The following RIPK2 variants were observed in gnomAD, a reference collection of about 807,000 sequenced individuals.
RIPK2 encodes receptor interacting serine/threonine kinase 2, also known as receptor-interacting serine/threonine-protein kinase 2.
In RIPK2, 38 loss-of-function variants were observed where a neutral mutation model predicts 60.9. That is an observed-to-expected ratio of 0.62 (90% confidence interval 0.48 to 0.82). The LOEUF (loss-of-function observed/expected upper bound fraction) is 0.82. Ranked by LOEUF, RIPK2 falls within the 40% of genes least tolerant of loss-of-function variation. RIPK2 has a pLI of 0.00. For synonymous variants in RIPK2, 225 were observed against 223.4 expected (o/e 1.01, Z -0.06); for missense variants, 518 against 647.0 (o/e 0.80, Z 2.16).
intron 3 of RIPK2, among the ~76,000 whole-genome samples, chr8:89,766,775 A>T (rs1809236906): frequency 6.6e-6 from 1 of 151,474 alleles, no homozygotes; most frequent in African/African-American, 2.4e-5. Context: ...ACACCTTTTT[A>T]TATGCTAATT....
chr8:89,788,809 A>G (rs1809628105), intron 9 of RIPK2, among the ~76,000 whole-genome samples: 1 of 148,728 alleles, frequency 6.7e-6, no homozygotes, highest in African/African-American at 2.5e-5. Flanking sequence ...AGAGAGAGAG[A>G]GGGAGGGAGG....
chr8:89,783,162 T>G (rs1809527986), intron 7 of RIPK2, among the ~76,000 whole-genome samples: 1 of 152,166 alleles, frequency 6.6e-6, no homozygotes, highest in Admixed American at 6.5e-5. Context: ...TGGGTGTGAA[T>G]TCACCATTTT....
At chr8:89,765,592 C>T (rs1027531214) in intron 3 of RIPK2, 96 bp downstream of exon 3, 15 of 717,428 alleles carry the variant, frequency 2.1e-5, no homozygotes, top group Non-Finnish European at 2.9e-5. Flanking sequence ...TCATGTCTCT[C>T]CTTAGAGATA....
At chr8:89,778,170 C>G (rs541791614) in intron 6 of RIPK2, among the ~76,000 whole-genome samples, 1 of 151,946 alleles carries the variant, frequency 6.6e-6, no homozygotes, top group East Asian at 1.9e-4. Flanking sequence ...AGAGGAAGAT[C>G]AGTAAACCTT....
intron 6 of RIPK2, among the ~76,000 whole-genome samples, chr8:89,774,019 G>A (rs1809356995): frequency 6.6e-6 from 1 of 151,994 alleles, no homozygotes; most frequent in Non-Finnish European, 1.5e-5. Context: ...GTTTGAGGAT[G>A]TGTAATAGTG....
chr8:89,769,795 G>A lies in RIPK2; in HGVS notation c.507G>A (p.Lys169=), dbSNP rs765795160. Reference sequence around the variant, plus strand: ...AGATTGCAGATTTTGGTTTATCAAAGTGGCGCATGATGTCCCTCTCACAGT... The same window carrying A: ...AGATTGCAGATTTTGGTTTATCAAAATGGCGCATGATGTCCCTCTCACAGT... ...HVKIADFGLS[K]WRMMSLSQSR... is the part of the protein sequence containing the mutation. The change falls in exon 4 of 11, where the codon AAG becomes AAA. Residue 169 remains lysine, a synonymous_variant. Transcript: ENST00000220751. 3 of 1,601,448 alleles carry A rather than the reference G, an allele frequency of 1.9e-6. No homozygotes were observed. In the Admixed American group the frequency reaches 5.2e-5, roughly 28 times the overall value.
intron 1 of RIPK2, among the ~76,000 whole-genome samples, chr8:89,761,712 T>C (rs367790108): frequency 2.7e-5 from 4 of 146,676 alleles, no homozygotes; most frequent in Admixed American, 6.8e-5. Flanking sequence ...TCTGGTCTGT[T>C]AAAAAAAAAA....
Position 89,758,019 on chromosome 8 carries a change from C to T in RIPK2, c.-42C>T, listed in dbSNP as rs1287598894. The T allele has an allele frequency of 1.3e-6, 2 of 1,507,700 alleles. No individual in the cohort carries two copies. Among genetic ancestry groups the T allele is most frequent in the Non-Finnish European group, 1.8e-6 (2 of 1,123,586 alleles). 93.4% of individuals were successfully genotyped at this position (1,507,700 alleles called of 1,614,324 possible). A position where few individuals can be genotyped will look rare whatever the true frequency, so the allele number is the denominator to read the frequency against. ...GGCGTGGGAGCCTTGGGAGCCGCCG[C>T]AGCAGGGGGCACACCCGGAACCGGC... On this transcript the variant is annotated 5_prime_UTR_variant, in exon 1 of 11. Coordinates refer to ENST00000220751, the MANE Select transcript of RIPK2 (RefSeq NM_003821.6).
intron 6 of RIPK2, among the ~76,000 whole-genome samples, chr8:89,774,577 T>C (rs900225771): frequency 6.6e-6 from 1 of 152,218 alleles, no homozygotes; most frequent in Non-Finnish European, 1.5e-5. Context: ...TTCACACAGT[T>C]GTATGTGATT....
intron 3 of RIPK2, among the ~76,000 whole-genome samples, chr8:89,766,348 A>G (rs1216265864): frequency 6.6e-6 from 1 of 151,880 alleles, no homozygotes; most frequent in African/African-American, 2.4e-5. Flanking sequence ...ATAAATGCCC[A>G]AGAATGCAAA....
chr8:89,772,678 C>A lies in RIPK2; in HGVS notation c.703C>A (p.Pro235Thr). ...RKQPFEDVTN[P>T]LQIMYSVSQG... Reference sequence around the variant, plus strand: ...ATTTGTTTTGACAGATGTCACCAATCCTTTGCAGATAATGTATAGTGTGTC... The same window carrying A: ...ATTTGTTTTGACAGATGTCACCAATACTTTGCAGATAATGTATAGTGTGTC... Residue 235 changes from proline (P) to threonine (T), a missense_variant, in exon 6 of 11, where the codon CCT becomes ACT. Physicochemically the swap from Pro to Thr is conservative, Grantham distance 38. Coordinates refer to ENST00000220751, the MANE Select transcript of RIPK2 (RefSeq NM_003821.6). The A allele has an allele frequency of 6.2e-7, 1 of 1,600,072 alleles. No individual in the cohort carries two copies. Among genetic ancestry groups the A allele is most frequent in the Admixed American group, 1.7e-5 (1 of 57,824 alleles).
chr8:89,776,780 TA>T (rs1809403743), intron 6 of RIPK2, among the ~76,000 whole-genome samples: 1 of 152,142 alleles, frequency 6.6e-6, no homozygotes, highest in Admixed American at 6.5e-5. Context: ...GCCGTTAATT[TA>T]GAGAAACCAG....
At chr8:89,785,467 T>G (rs75517349) in intron 8 of RIPK2, among the ~76,000 whole-genome samples, 2 of 151,970 alleles carry the variant, frequency 1.3e-5, no homozygotes, top group Non-Finnish European at 2.9e-5. Context: ...TTGTTTCAGG[T>G]ATAAAATTAT....
intron 5 of RIPK2, 115 bp downstream of exon 5, chr8:89,771,905 C>G: frequency 2.7e-6 from 2 of 741,494 alleles, no homozygotes; most frequent in Non-Finnish European, 4.6e-6. Context: ...GGAAAACACA[C>G]TAAAACAACC....
At chr8:89,776,347 T>G (rs1303514896) in intron 6 of RIPK2, among the ~76,000 whole-genome samples, 2 of 152,216 alleles carry the variant, frequency 1.3e-5, no homozygotes, top group African/African-American at 4.8e-5. Flanking sequence ...AGACAGCAAT[T>G]CTCAAACTTA....
chr8:89,778,295 T>C (rs554380999), intron 6 of RIPK2, among the ~76,000 whole-genome samples: 20 of 151,806 alleles, frequency 1.3e-4, no homozygotes, highest in Non-Finnish European at 2.8e-4. Context: ...ATAATAAAGA[T>C]TATTTTTTTC....
At position 89,757,887 on chromosome 8, in the gene RIPK2, T is replaced by C; in HGVS notation, c.-174T>C. On this transcript the variant is annotated 5_prime_UTR_variant, in exon 1 of 11. Transcript: ENST00000220751. ...AGCTCTGGTTCGGAGAAGCAGCGGC[T>C]GGCGTGGGCCATCCGGGGAATGGGC... The C allele has an allele frequency of 7.3e-7, 1 of 1,367,830 alleles. No homozygotes were observed. Among genetic ancestry groups the C allele is most frequent in the South Asian group, 1.7e-5 (1 of 59,762 alleles). The allele number at this position is 1,367,830 out of a possible 1,614,324, so 84.7% of individuals were successfully genotyped here. A position where few individuals can be genotyped will look rare whatever the true frequency, so the allele number is the denominator to read the frequency against.
At chr8:89,759,213 G>A in intron 1 of RIPK2, 1 of 443,416 alleles carries the variant, frequency 2.3e-6, no homozygotes, top group South Asian at 1.6e-5. Flanking sequence ...TTTAAGGGAA[G>A]GTTAGCATTA....
At chr8:89,771,237 G>T (rs60569724) in intron 4 of RIPK2, among the ~76,000 whole-genome samples, 28,236 of 151,628 alleles carry the variant, frequency 0.19, 3,880 homozygotes, top group African/African-American at 0.39. Flanking sequence ...GTTGGGGTGT[G>T]GCAAAATTCT....
Sources: allele counts gnomAD v4.1 joint callset (sites outside exome capture counted in the v4.1 genomes callset), GRCh38; gene constraint gnomAD v4.1.1; transcripts MANE v1.5; gene names NCBI Gene and HGNC (gene_info 2026-07-23, HGNC 2026-07-21).